The following SH3RF2 variants were observed in gnomAD, a reference collection of about 807,000 sequenced individuals.
SH3RF2 encodes E3 ubiquitin-protein ligase SH3RF2.
SH3RF2 carries 43 observed loss-of-function variants against 59.0 expected under a neutral mutation model. The observed-to-expected ratio is 0.73, with a 90% CI of 0.57 to 0.94. The LOEUF is 0.94. Among genes scored for constraint, SH3RF2 ranks in the 40% least tolerant of loss-of-function variants. The pLI is 0.00. For missense variants in SH3RF2, 930 were observed against 940.1 expected (o/e 0.99, Z 0.14); for synonymous variants, 391 against 391.5 (o/e 1.00, Z 0.01).
intron 2 of SH3RF2, among the ~76,000 whole-genome samples, chr5:145,986,846 C>T (rs1412656836): frequency 6.6e-6 from 1 of 152,210 alleles, no homozygotes; most frequent in African/African-American, 2.4e-5. Flanking sequence ...AAAGGCACTA[C>T]TGACTATAAG....
At chr5:146,033,029 G>A (rs1761795856) in intron 5 of SH3RF2, among the ~76,000 whole-genome samples, 1 of 152,148 alleles carries the variant, frequency 6.6e-6, no homozygotes, top group East Asian at 1.9e-4. Context: ...ATGTAGGTTC[G>A]AATCCCAGCT....
intron 2 of SH3RF2, among the ~76,000 whole-genome samples, chr5:145,954,078 T>C (rs1758300576): frequency 6.6e-6 from 1 of 152,230 alleles, no homozygotes. Context: ...TACCCAGTAA[T>C]GGGATTACTG....
chr5:145,992,513 T>A (rs150369151), intron 2 of SH3RF2, among the ~76,000 whole-genome samples: 2 of 152,322 alleles, frequency 1.3e-5, no homozygotes, highest in African/African-American at 4.8e-5. Context: ...GATAAAGACA[T>A]ACCCAAGACT....
At position 146,063,235 on chromosome 5, in the gene SH3RF2, G is replaced by C. The variant is rs908340060; in HGVS notation, c.*534G>C. On this transcript the variant is annotated 3_prime_UTR_variant, in exon 10 of 10. Coordinates refer to ENST00000359120, the MANE Select transcript of SH3RF2 (RefSeq NM_152550.4). Reference sequence around the variant, plus strand: ...GGCTGCAAAGGGAGGATTTCTGCGCGGGGTGTGAGGTGGATACTTTGAACA... The same window carrying C: ...GGCTGCAAAGGGAGGATTTCTGCGCCGGGTGTGAGGTGGATACTTTGAACA... 2 of 153,106 alleles carry C rather than the reference G, an allele frequency of 1.3e-5. No homozygotes were observed. Among genetic ancestry groups the C allele is most frequent in the Non-Finnish European group, 2.9e-5 (2 of 68,854 alleles). The allele number at this position is 153,106 out of a possible 1,614,324, so 9.5% of individuals were successfully genotyped here. A position where few individuals can be genotyped will look rare whatever the true frequency, so the allele number is the denominator to read the frequency against.
intron 2 of SH3RF2, among the ~76,000 whole-genome samples, chr5:145,988,951 G>A (rs1759823806): frequency 6.6e-6 from 1 of 152,138 alleles, no homozygotes; most frequent in Non-Finnish European, 1.5e-5. Context: ...TTATCACTAT[G>A]AGCGAAGGAG....
chr5:145,951,446 C>A (rs1758189836), intron 2 of SH3RF2, among the ~76,000 whole-genome samples: 1 of 152,154 alleles, frequency 6.6e-6, no homozygotes, highest in South Asian at 2.1e-4. Flanking sequence ...TACATAGTAC[C>A]AGCCACATAC....
intron 8 of SH3RF2, among the ~76,000 whole-genome samples, chr5:146,059,642 TCACA>T (rs1000280821): frequency 6.6e-6 from 1 of 151,626 alleles, no homozygotes; most frequent in African/African-American, 2.4e-5. Context: ...ACATACACAC[TCACA>T]CACACCATTC....
chr5:146,007,573 T>C (rs1208325662), intron 4 of SH3RF2, among the ~76,000 whole-genome samples: 1 of 152,200 alleles, frequency 6.6e-6, no homozygotes, highest in African/African-American at 2.4e-5. Context: ...TCCTGCATTA[T>C]CTTGAGATTC....
At chr5:146,012,420 A>G (rs187151531) in intron 4 of SH3RF2, among the ~76,000 whole-genome samples, 43 of 152,324 alleles carry the variant, frequency 2.8e-4, no homozygotes, top group South Asian at 1.2e-3. Flanking sequence ...ATTGATTGGA[A>G]TAGTTTCACA....
At chr5:146,030,586 C>T (rs1359565691) in intron 5 of SH3RF2, among the ~76,000 whole-genome samples, 1 of 152,136 alleles carries the variant, frequency 6.6e-6, no homozygotes, top group Non-Finnish European at 1.5e-5. Context: ...AGGACTAACC[C>T]CTAAACTATT....
At chr5:146,000,477 T>A (rs1717927366) in intron 3 of SH3RF2, 150 bp downstream of exon 3, 1 of 655,160 alleles carries the variant, frequency 1.5e-6, no homozygotes, top group South Asian at 6.9e-5. Context: ...AAATATATTT[T>A]GTGCATAAAT....
Position 146,049,207 on chromosome 5 carries a change from C to G in SH3RF2, c.1284C>G (p.Val428=), listed in dbSNP as rs200330959. 2 of 1,613,596 alleles carry G rather than the reference C, an allele frequency of 1.2e-6. No individual in the cohort carries two copies. Among genetic ancestry groups the G allele is most frequent in the Non-Finnish European group, 1.7e-6 (2 of 1,179,754 alleles). ...GCGTCTCCTTGGTCACCGGGCGAGT[C>G]GGCATCTTCCCAAACAATTACGTCA... ...LRGVSLVTGR[V]GIFPNNYVIP... Residue 428 remains valine, a synonymous_variant, in exon 7 of 10, where the codon GTC becomes GTG. Coordinates refer to ENST00000359120, the MANE Select transcript of SH3RF2 (RefSeq NM_152550.4).
intron 2 of SH3RF2, among the ~76,000 whole-genome samples, chr5:145,981,220 A>G (rs1350234493): frequency 6.6e-6 from 1 of 151,932 alleles, no homozygotes; most frequent in Non-Finnish European, 1.5e-5. Context: ...TCAGCCTCCC[A>G]ATTAGCTAAC....
chr5:145,974,697 A>G (rs1759217639), intron 2 of SH3RF2, among the ~76,000 whole-genome samples: 1 of 152,222 alleles, frequency 6.6e-6, no homozygotes, highest in African/African-American at 2.4e-5. Context: ...CGTACAGTGC[A>G]AAAAGTAAAA....
intron 2 of SH3RF2, among the ~76,000 whole-genome samples, chr5:145,950,954 C>A (rs1758170177): frequency 6.6e-6 from 1 of 152,184 alleles, no homozygotes; most frequent in Non-Finnish European, 1.5e-5. Flanking sequence ...AAATCTTAGC[C>A]TTACTATGGT....
At chr5:145,957,483 T>C (rs17104084) in intron 2 of SH3RF2, among the ~76,000 whole-genome samples, 2,784 of 152,260 alleles carry the variant, frequency 0.018, 85 homozygotes, top group African/African-American at 0.062. Flanking sequence ...ACCCTTTACC[T>C]ATCGCTAACC....
rs529177010 is a variant in SH3RF2, at chr5:145,998,538, T to G, written c.379-1520T>G. ...ATGCAGGTATGCCCCAGAGATAGTG[T>G]AGGTTCAGTTTTGGACCACCACAAT... On this transcript the variant is annotated intron_variant, in intron 2 of 9. Coordinates refer to ENST00000359120, the MANE Select transcript of SH3RF2 (RefSeq NM_152550.4). Among the ~76,000 whole-genome samples, 272 of 152,256 alleles carry G rather than the reference T, an allele frequency of 1.8e-3. 1 individual carries two copies. Among genetic ancestry groups the G allele is most frequent in the Non-Finnish European group, 3.2e-3 (220 of 68,018 alleles).
chr5:146,034,931 C>A (rs755257073), intron 5 of SH3RF2, among the ~76,000 whole-genome samples: 1 of 152,092 alleles, frequency 6.6e-6, no homozygotes, highest in Admixed American at 6.5e-5. Context: ...CATGGTGAAA[C>A]CCCATCTCTA....
At chr5:146,006,314 C>T (rs149034745) in intron 4 of SH3RF2, among the ~76,000 whole-genome samples, 7 of 152,084 alleles carry the variant, frequency 4.6e-5, no homozygotes, top group East Asian at 1.9e-4. Flanking sequence ...CCAGCTACTC[C>T]GGAGGCTGAG....
Sources: allele counts gnomAD v4.1 joint callset (sites outside exome capture counted in the v4.1 genomes callset), GRCh38; gene constraint gnomAD v4.1.1; transcripts MANE v1.5; gene names NCBI Gene and HGNC (gene_info 2026-07-23, HGNC 2026-07-21).